The following DAB1 variants were observed in gnomAD, a reference collection of about 807,000 sequenced individuals.
The protein encoded by DAB1 is disabled homolog 1.
In DAB1, 15 loss-of-function variants were observed where a neutral mutation model predicts 64.6. That is an observed-to-expected ratio of 0.23 (90% CI 0.16 to 0.36). The LOEUF (loss-of-function observed/expected upper bound fraction) is 0.36, where lower values mean the gene tolerates loss of function less well. Ranked by LOEUF, DAB1 falls within the 10% of genes least tolerant of loss-of-function variation. DAB1 has a pLI of 1.00. For synonymous variants in DAB1, 235 were observed against 251.9 expected (o/e 0.93, Z 0.64); for missense variants, 596 against 706.7 (o/e 0.84, Z 1.78).
intron 5 of DAB1, among the ~76,000 whole-genome samples, chr1:57,981,221 A>T (rs1646058824): frequency 6.6e-6 from 1 of 152,110 alleles, no homozygotes; most frequent in Non-Finnish European, 1.5e-5. Context: ...TAGGCTTACC[A>T]TGAGGATTGA....
At position 57,619,642 on chromosome 1, in the gene DAB1, T is replaced by C. The variant is rs2003182; in HGVS notation, n.625+29950A>G. 1.7e-3 allele frequency among the ~76,000 whole-genome samples: 256 copies of C among 152,222 alleles called. 4 individuals carry two copies. Among genetic ancestry groups the C allele is most frequent in the African/African-American group, 5.9e-3 (244 of 41,538 alleles). On this transcript the variant is annotated intron_variant and non_coding_transcript_variant, in intron 7 of 20. Coordinates refer to the DAB1 transcript ENST00000485760. ...GTCTTGAACTCCTGGGCTCAAGTGT[T>C]TCTCCCCGCTTGGCCTCCCACGGTG... is the stretch of plus-strand genomic sequence containing the variant.
In DAB1 at chr1:57,434,054, A is replaced by G. The variant is rs571608459; in HGVS notation, n.626-142888T>C. On this transcript the variant is annotated intron_variant and non_coding_transcript_variant, in intron 7 of 20. Transcript: ENST00000485760. The stretch of plus-strand genomic sequence containing the variant: ...AATGCTAGTACAAGTATAAAATGGT[A>G]TCACCTTTTGGAAAATTACCTGGCA... Among the ~76,000 whole-genome samples the G allele has an allele frequency of 4.6e-5, 7 of 152,296 alleles. No individual in the cohort carries two copies. The East Asian group carries it at 1.4e-3, about 29-fold the overall frequency.
At chr1:58,078,901 A>G (rs1649812678) in intron 5 of DAB1, among the ~76,000 whole-genome samples, 1 of 152,150 alleles carries the variant, frequency 6.6e-6, no homozygotes, top group Admixed American at 6.5e-5. Flanking sequence ...TGGTGGCTGG[A>G]TTCAAAGTGA....
At chr1:57,769,596 G>GAGC (rs773743645) in intron 6 of DAB1, among the ~76,000 whole-genome samples, 1 of 152,158 alleles carries the variant, frequency 6.6e-6, no homozygotes, top group Non-Finnish European at 1.5e-5. Context: ...TTCTCCAGCT[G>GAGC]AGCAGGCCCA....
intron 5 of DAB1, among the ~76,000 whole-genome samples, chr1:58,096,203 T>G (rs1230486953): frequency 6.6e-6 from 1 of 152,242 alleles, no homozygotes; most frequent in Non-Finnish European, 1.5e-5. Flanking sequence ...TACTAAGATT[T>G]AAAAATAAAT....
At chr1:58,294,443 T>TAA (rs201101743) in intron 4 of DAB1, among the ~76,000 whole-genome samples, 1 of 151,156 alleles carries the variant, frequency 6.6e-6, no homozygotes, top group African/African-American at 2.4e-5. Flanking sequence ...AGACAATTAA[T>TAA]AAAAAAAAAG....
intron 2 of DAB1, among the ~76,000 whole-genome samples, chr1:57,266,907 G>A (rs1570106455): frequency 6.6e-6 from 1 of 152,174 alleles, no homozygotes; most frequent in East Asian, 1.9e-4. Context: ...TAAATTTATG[G>A]TATGGGCACT....
At chr1:58,029,585 G>T (rs1425557944) in intron 5 of DAB1, among the ~76,000 whole-genome samples, 1 of 152,172 alleles carries the variant, frequency 6.6e-6, no homozygotes, top group African/African-American at 2.4e-5. Flanking sequence ...AGAATTTGAA[G>T]AATTAACCAT....
chr1:57,982,937 C>CT (rs1262002624), intron 5 of DAB1, among the ~76,000 whole-genome samples: 1 of 152,164 alleles, frequency 6.6e-6, no homozygotes, highest in East Asian at 1.9e-4. Context: ...TATTGCGGTT[C>CT]TACTTTGCCA....
chr1:58,488,665 T>TG (rs924118875), intron 3 of DAB1, among the ~76,000 whole-genome samples: 1 of 152,212 alleles, frequency 6.6e-6, no homozygotes, highest in Non-Finnish European at 1.5e-5. Context: ...TTGGTCAGGC[T>TG]GGTCTTGAAC....
intron 4 of DAB1, among the ~76,000 whole-genome samples, chr1:58,152,055 A>G (rs1269852205): frequency 6.6e-6 from 1 of 152,182 alleles, no homozygotes; most frequent in Admixed American, 6.5e-5. Context: ...GAGTAAAAAT[A>G]TTAAAGGGTC....
chr1:57,687,593 A>C (rs1006017067), intron 6 of DAB1, among the ~76,000 whole-genome samples: 3 of 138,110 alleles, frequency 2.2e-5, no homozygotes, highest in African/African-American at 8.6e-5. Flanking sequence ...AAGTAATCTT[A>C]AGAAACAAAA....
intron 6 of DAB1, among the ~76,000 whole-genome samples, chr1:57,690,815 CT>C (rs879729812): frequency 6.6e-6 from 1 of 152,154 alleles, no homozygotes; most frequent in Admixed American, 6.6e-5. Flanking sequence ...TTGTTATTGC[CT>C]GCATTTTGGA....
intron 5 of DAB1, among the ~76,000 whole-genome samples, chr1:58,122,133 C>T (rs900117904): frequency 6.6e-6 from 1 of 152,102 alleles, no homozygotes; most frequent in African/African-American, 2.4e-5. Context: ...GTTTATTGTA[C>T]CATACCATGG....
chr1:56,997,244 G>A lies in DAB1; in HGVS notation c.*900C>T, dbSNP rs1187980971. 6.6e-6 allele frequency: 1 copy of A among 152,118 alleles called. No homozygotes were observed. Among genetic ancestry groups the A allele is most frequent in the Non-Finnish European group, 1.5e-5 (1 of 68,022 alleles). 9.4% of individuals were successfully genotyped at this position (152,118 alleles called of 1,614,324 possible). A position where few individuals can be genotyped will look rare whatever the true frequency, so the allele number is the denominator to read the frequency against. On this transcript the variant is annotated 3_prime_UTR_variant, in exon 15 of 15. Coordinates refer to ENST00000371236, the MANE Select transcript of DAB1 (RefSeq NM_001365792.1). ...GAAAAATAAAAAATATCATTTTATT[G>A]TACTTAGAGTTTAGAGCTTCTTAAG... is the stretch of plus-strand genomic sequence containing the variant.
intron 3 of DAB1, among the ~76,000 whole-genome samples, chr1:58,476,353 T>C (rs1645418801): frequency 6.6e-6 from 1 of 152,190 alleles, no homozygotes; most frequent in African/African-American, 2.4e-5. Context: ...CTGTGACTTA[T>C]GCCCCATGCT....
intron 7 of DAB1, among the ~76,000 whole-genome samples, chr1:57,635,071 G>A (rs1438724705): frequency 3.3e-5 from 5 of 152,138 alleles, no homozygotes; most frequent in African/African-American, 1.2e-4. Context: ...AGGGGACCCA[G>A]GCTGGCTATA....
At chr1:57,668,871 C>T (rs1395312924) in intron 6 of DAB1, among the ~76,000 whole-genome samples, 2 of 151,990 alleles carry the variant, frequency 1.3e-5, no homozygotes, top group Admixed American at 1.3e-4. Context: ...CTATTATAAT[C>T]TTATATTTTA....
chr1:57,203,727 C>T (rs1050721678), intron 2 of DAB1, among the ~76,000 whole-genome samples: 11 of 152,158 alleles, frequency 7.2e-5, no homozygotes, highest in Admixed American at 2.0e-4. Context: ...CTATTCTAAT[C>T]CAAGCCCATA....
Sources: gnomAD v4.1 joint callset for allele counts (sites outside exome capture counted in the v4.1 genomes callset) on GRCh38, gnomAD v4.1.1 for gene constraint, MANE v1.5 for transcripts, NCBI Gene and HGNC (gene_info 2026-07-23, HGNC 2026-07-21) for gene names.